The following SUFU variants were observed in gnomAD, a reference collection of about 807,000 sequenced individuals.
SUFU encodes SUFU negative regulator of hedgehog signaling, also known as suppressor of fused homolog.
Under a neutral mutation model 58.9 loss-of-function variants are expected in SUFU, and 7 were observed. The observed-to-expected ratio is 0.12, with a 90% CI of 0.07 to 0.22. The LOEUF (loss-of-function observed/expected upper bound fraction) is 0.22. SUFU is among the 10% of genes least tolerant of loss of function. SUFU has a pLI of 1.00. For missense variants in SUFU, 451 were observed against 641.3 expected, an observed-to-expected ratio of 0.70 and a Z score of 3.20; for synonymous variants, 232 against 254.8, an observed-to-expected ratio of 0.91 and a Z score of 0.85.
chr10:102,509,993 C>G (rs2062380236), intron 2 of SUFU, among the ~76,000 whole-genome samples: 1 of 152,070 alleles, frequency 6.6e-6, no homozygotes, highest in Non-Finnish European at 1.5e-5. Flanking sequence ...CAAGCACCAC[C>G]ATGCCCAGCT....
rs555092885 is a variant in SUFU at position 102,561,524 on chromosome 10, T to C, written c.454+11418T>C. Among the ~76,000 whole-genome samples, 17 of 152,150 alleles carry C rather than the reference T, an allele frequency of 1.1e-4. No homozygotes were observed. The South Asian group carries it at 1.9e-3, about 17-fold the overall frequency. ...AGCTGGGATTACAGATGTGAGCCAC[T>C]GCACCGAGCCTAGTGTTTTTATAGC... On this transcript the variant is annotated intron_variant, in intron 3 of 11. Coordinates refer to ENST00000369902, the MANE Select transcript of SUFU (RefSeq NM_016169.4).
At chr10:102,525,828 A>C (rs1457459548) in intron 2 of SUFU, among the ~76,000 whole-genome samples, 3 of 152,198 alleles carry the variant, frequency 2.0e-5, no homozygotes, top group Non-Finnish European at 4.4e-5. Context: ...TTTAGAGCAC[A>C]TTACCTAAAT....
chr10:102,533,744 G>T (rs1299195871), intron 2 of SUFU, among the ~76,000 whole-genome samples: 2 of 152,114 alleles, frequency 1.3e-5, no homozygotes, highest in East Asian at 3.9e-4. Context: ...TTTCATTAAG[G>T]ATTCATGGAT....
At chr10:102,531,098 A>G (rs1477404051) in intron 2 of SUFU, among the ~76,000 whole-genome samples, 2 of 151,208 alleles carry the variant, frequency 1.3e-5, no homozygotes, top group East Asian at 3.9e-4. Context: ...AAAAAAAAAA[A>G]AAAAAATGTA....
chr10:102,605,973 A>G (rs1420912769), intron 8 of SUFU, among the ~76,000 whole-genome samples: 1 of 152,210 alleles, frequency 6.6e-6, no homozygotes, highest in Non-Finnish European at 1.5e-5. Context: ...AGGAGTCTCA[A>G]TGGTTCAGCT....
At chr10:102,504,392 G>A in intron 1 of SUFU, 58 bp downstream of exon 1, 1 of 1,601,342 alleles carries the variant, frequency 6.2e-7, no homozygotes, top group Non-Finnish European at 8.5e-7. Context: ...TTAAAGCGCC[G>A]AGGGCGAAGT....
intron 2 of SUFU, among the ~76,000 whole-genome samples, chr10:102,518,436 G>C (rs1382241018): frequency 1.3e-5 from 2 of 152,292 alleles, no homozygotes; most frequent in East Asian, 3.9e-4. Context: ...GATCAAGACT[G>C]AGTAGAGTTA....
chr10:102,544,480 C>G (rs1300097590), intron 2 of SUFU, among the ~76,000 whole-genome samples: 3 of 152,198 alleles, frequency 2.0e-5, no homozygotes, highest in East Asian at 3.8e-4. Flanking sequence ...ACGGGCAGAT[C>G]ACTTGAGATC....
At chr10:102,591,251 C>T (rs980514672) in intron 3 of SUFU, among the ~76,000 whole-genome samples, 8 of 152,080 alleles carry the variant, frequency 5.3e-5, no homozygotes, top group African/African-American at 1.4e-4. Flanking sequence ...TTGTAATCCC[C>T]GCACTTTGGG....
chr10:102,509,388 G>A, intron 2 of SUFU, 85 bp downstream of exon 2: 11 of 1,567,012 alleles, frequency 7.0e-6, no homozygotes, highest in Non-Finnish European at 9.6e-6. Flanking sequence ...AGTGCTGTGA[G>A]CATGGTACTT....
chr10:102,541,989 G>T (rs1397247375), intron 2 of SUFU, among the ~76,000 whole-genome samples: 1 of 148,562 alleles, frequency 6.7e-6, no homozygotes, highest in Non-Finnish European at 1.5e-5. Context: ...GGTTCAAGCA[G>T]TTCTCCTGCC....
At chr10:102,538,033 CT>C (rs1403508207) in intron 2 of SUFU, among the ~76,000 whole-genome samples, 2 of 152,102 alleles carry the variant, frequency 1.3e-5, no homozygotes, top group South Asian at 2.1e-4. Context: ...TGTAAGGGTC[CT>C]AATTTCATGA....
At chr10:102,593,553 G>T in intron 4 of SUFU, 83 bp from the exon 5 acceptor site, 2 of 1,374,586 alleles carry the variant, frequency 1.5e-6, no homozygotes, top group South Asian at 2.3e-5. Flanking sequence ...AACTGGAGGT[G>T]ACTCAGAGAG....
At chr10:102,524,632 TA>T (rs1277054321) in intron 2 of SUFU, among the ~76,000 whole-genome samples, 2 of 152,228 alleles carry the variant, frequency 1.3e-5, no homozygotes, top group Non-Finnish European at 2.9e-5. Flanking sequence ...ATTTCTTCTT[TA>T]AAACACTTAT....
intron 8 of SUFU, among the ~76,000 whole-genome samples, chr10:102,600,092 TC>T (rs2135890759): frequency 6.6e-6 from 1 of 152,212 alleles, no homozygotes; most frequent in Admixed American, 6.5e-5. Context: ...CCTGTAGCCC[TC>T]CGGAGAGACT....
chr10:102,628,096 T>C lies in SUFU; in HGVS notation c.1365+853T>C, dbSNP rs2063802456. On this transcript the variant is annotated intron_variant, in intron 11 of 11. Coordinates refer to ENST00000369902, the MANE Select transcript of SUFU (RefSeq NM_016169.4). The surrounding 1 kb of genome is among the most constrained non-coding windows in gnomAD (Gnocchi z 4.5). ...TTCCCTTGTCCTGTCTGCCAGGAAATGTGCTTGGGGGAGAACTCCTTCGCC... is the reference window on the plus strand; with the variant it reads ...TTCCCTTGTCCTGTCTGCCAGGAAACGTGCTTGGGGGAGAACTCCTTCGCC... 1.3e-5 allele frequency among the ~76,000 whole-genome samples: 2 copies of C among 152,040 alleles called. No homozygotes were observed. Among genetic ancestry groups the C allele is most frequent in the Admixed American group, 1.3e-4 (2 of 15,278 alleles).
chr10:102,600,534 G>C (rs1009049025), intron 8 of SUFU, among the ~76,000 whole-genome samples: 2 of 152,200 alleles, frequency 1.3e-5, no homozygotes, highest in South Asian at 2.1e-4. Flanking sequence ...CTGGATTCTA[G>C]CTCTAGTTGC....
At position 102,617,527 on chromosome 10, in the gene SUFU, G is replaced by T; in HGVS notation, c.1296+99G>T. On this transcript the variant is annotated intron_variant, in intron 10 of 11. Coordinates refer to ENST00000369902, the MANE Select transcript of SUFU (RefSeq NM_016169.4). The surrounding 1 kb of genome is among the most constrained non-coding windows in gnomAD (Gnocchi z 4.4). ...CAGCTCTTGATGGCACCCCTTCCTG[G>T]GGGGCTGGTCATGAATGCCTCATGG... is the stretch of plus-strand genomic sequence containing the variant. 1 of 1,560,880 alleles carries T rather than the reference G, an allele frequency of 6.4e-7. No individual in the cohort carries two copies. The highest frequency in any genetic ancestry group is 8.8e-7 in the Non-Finnish European group (1 of 1,134,134).
chr10:102,534,010 G>T (rs1159846774), intron 2 of SUFU, among the ~76,000 whole-genome samples: 1 of 152,184 alleles, frequency 6.6e-6, no homozygotes. Context: ...AAGTATCTAG[G>T]TCTGGTTCTT....
Sources: allele counts gnomAD v4.1 joint callset (sites outside exome capture counted in the v4.1 genomes callset), GRCh38; gene constraint gnomAD v4.1.1; non-coding constraint Gnocchi (gnomAD v3.1); transcripts MANE v1.5; gene names NCBI Gene and HGNC (gene_info 2026-07-23, HGNC 2026-07-21).